ANKFN1: variants seen among roughly 807,000 people sequenced by gnomAD.
The protein encoded by ANKFN1 is ankyrin repeat and fibronectin type III domain containing 1.
In ANKFN1, 74 loss-of-function variants were observed where a neutral mutation model predicts 108.7. That is an observed-to-expected ratio of 0.68 (90% CI 0.56 to 0.83). ANKFN1 has a LOEUF of 0.83. Among genes scored for constraint, ANKFN1 ranks in the 40% least tolerant of loss-of-function variants. The pLI, the probability that ANKFN1 is intolerant of heterozygous loss-of-function variation, is 0.00. For missense variants in ANKFN1, 1,505 were observed against 1,382.3 expected, an observed-to-expected ratio of 1.09 and a Z score of -1.41; for synonymous variants, 547 against 516.2, an observed-to-expected ratio of 1.06 and a Z score of -0.81.
intron 4 of ANKFN1, among the ~76,000 whole-genome samples, chr17:56,046,524 A>T (rs1310095377): frequency 6.6e-6 from 1 of 152,158 alleles, no homozygotes; most frequent in African/African-American, 2.4e-5. Context: ...ATAAAAAAAA[A>T]ATCAGCAGGT....
intron 3 of ANKFN1, among the ~76,000 whole-genome samples, chr17:56,273,725 A>C (rs951804666): frequency 6.6e-5 from 10 of 152,248 alleles, no homozygotes; most frequent in African/African-American, 2.4e-4. Flanking sequence ...AAATTAAAAT[A>C]GCTAATATTA....
At position 56,274,301 on chromosome 17, in the gene ANKFN1, G is replaced by C. The variant is rs147653640; in HGVS notation, c.53+46344G>C. Among the ~76,000 whole-genome samples the C allele has an allele frequency of 2.0e-5, 3 of 152,140 alleles. No homozygotes were observed. In the South Asian group the frequency reaches 6.2e-4, roughly 32 times the overall value. On this transcript the variant is annotated intron_variant, in intron 3 of 20. Transcript: ENST00000682825. ...ATCCTGGCTAACATGGTGAAACCCC[G>C]TCTCTAGTAAAAATACAAAAAATTA...
chr17:56,415,559 A>C (rs2048219437), intron 8 of ANKFN1, among the ~76,000 whole-genome samples: 2 of 152,210 alleles, frequency 1.3e-5, no homozygotes, highest in Admixed American at 1.3e-4. Flanking sequence ...AAGAAATTGC[A>C]GAGGACACAA....
rs1365438869 is a variant in ANKFN1, at chr17:56,164,824, A to G, written c.-71+11294A>G. Reference sequence around the variant, plus strand: ...TTGAAAATACTTGATGGTGATAACTATTGGACAAGCCACACTGGAAAATAA... The same window carrying G: ...TTGAAAATACTTGATGGTGATAACTGTTGGACAAGCCACACTGGAAAATAA... On this transcript the variant is annotated intron_variant, in intron 1 of 20. Transcript: ENST00000682825. 2.0e-5 allele frequency among the ~76,000 whole-genome samples: 3 copies of G among 152,226 alleles called. No individual in the cohort carries two copies. In the East Asian group the frequency reaches 5.8e-4, roughly 29 times the overall value.
At chr17:56,250,782 G>T (rs1049781258) in intron 3 of ANKFN1, among the ~76,000 whole-genome samples, 5 of 152,128 alleles carry the variant, frequency 3.3e-5, no homozygotes, top group Admixed American at 6.6e-5. Flanking sequence ...ATTATCATCT[G>T]AAGCTTTATT....
intron 4 of ANKFN1, among the ~76,000 whole-genome samples, chr17:56,093,605 A>T (rs1031380048): frequency 6.6e-6 from 1 of 151,350 alleles, no homozygotes; most frequent in Non-Finnish European, 1.5e-5. Context: ...AGCCACACCC[A>T]TCCAAGAAGT....
intron 20 of ANKFN1, among the ~76,000 whole-genome samples, chr17:56,505,881 A>C (rs1361044261): frequency 1.3e-5 from 2 of 152,188 alleles, no homozygotes; most frequent in African/African-American, 4.8e-5. Flanking sequence ...TTGGGAGATC[A>C]AAATACAGAC....
chr17:56,326,361 T>A lies in ANKFN1; in HGVS notation c.188+6T>A, dbSNP rs754506404. The A allele has an allele frequency of 1.1e-5, 17 of 1,605,248 alleles. No individual in the cohort carries two copies. In the South Asian group the frequency reaches 1.8e-4, roughly 17 times the overall value. On this transcript the variant is annotated splice_donor_region_variant and intron_variant, in intron 4 of 20. Transcript: ENST00000682825. ...GCCTCGAACAGCATAAACTGGTAAG[T>A]CAAATTTACTGTTGTCTTTCTTCAT... is the stretch of plus-strand genomic sequence containing the variant.
At chr17:56,141,464 G>T (rs548605952) in intron 4 of ANKFN1, among the ~76,000 whole-genome samples, 4 of 152,174 alleles carry the variant, frequency 2.6e-5, no homozygotes, top group Admixed American at 1.3e-4. Context: ...ATAAAGAATG[G>T]TCTAGCAATA....
chr17:56,512,318 T>C lies in ANKFN1; in HGVS notation c.*1049T>C, dbSNP rs115746824. Among the ~76,000 whole-genome samples the C allele has an allele frequency of 7.4e-3, 1,128 of 152,250 alleles. 17 individuals are homozygous for C. The highest frequency in any genetic ancestry group is 0.026 in the African/African-American group (1,087 of 41,556). ...AGGCTTATCCACTCACCCTACATCA[T>C]AGATCAAGGGGCAGATTGTCCAGGG... On this transcript the variant is annotated 3_prime_UTR_variant, in exon 21 of 21. Transcript: ENST00000682825.
intron 4 of ANKFN1, among the ~76,000 whole-genome samples, chr17:56,076,867 T>C (rs1431309542): frequency 1.3e-5 from 2 of 152,186 alleles, no homozygotes; most frequent in Admixed American, 1.3e-4. Flanking sequence ...TTCTCTTCTG[T>C]TTGTCACCAA....
chr17:56,374,141 G>A (rs1598479407), intron 7 of ANKFN1, among the ~76,000 whole-genome samples: 1 of 152,202 alleles, frequency 6.6e-6, no homozygotes, highest in African/African-American at 2.4e-5. Context: ...TCTTGAACAA[G>A]GAATTTGGCC....
chr17:56,219,382 G>T (rs986280744), intron 2 of ANKFN1, among the ~76,000 whole-genome samples: 5 of 152,004 alleles, frequency 3.3e-5, no homozygotes, highest in Non-Finnish European at 7.4e-5. Context: ...AAGTAGCTGG[G>T]ACTACAGGTG....
chr17:56,471,593 G>A lies in ANKFN1; in HGVS notation c.1773+5022G>A, dbSNP rs535991448. The A allele has an allele frequency of 3.9e-5, 6 of 152,290 alleles. No homozygotes were observed. In the East Asian group the frequency reaches 1.2e-3, roughly 29 times the overall value. The allele number at this position is 152,290 out of a possible 1,614,324, so 9.4% of individuals were successfully genotyped here. ...TTCATGTAAAAACTTGTTCACCAAT[G>A]TTCATAGAAGCATTATTCACAATAG... On this transcript the variant is annotated intron_variant, in intron 15 of 20. Coordinates refer to ENST00000682825, the MANE Select transcript of ANKFN1 (RefSeq NM_001370326.1).
At chr17:56,403,204 G>C (rs907754747) in intron 8 of ANKFN1, among the ~76,000 whole-genome samples, 2 of 152,106 alleles carry the variant, frequency 1.3e-5, no homozygotes, top group African/African-American at 4.8e-5. Context: ...GTATATATCT[G>C]TTAAGTCTAT....
chr17:56,100,757 T>C (rs1905630788), intron 4 of ANKFN1, among the ~76,000 whole-genome samples: 1 of 152,176 alleles, frequency 6.6e-6, no homozygotes, highest in East Asian at 1.9e-4. Context: ...CAGGGGCATC[T>C]TAAAGAAAAA....
intron 4 of ANKFN1, among the ~76,000 whole-genome samples, chr17:56,072,352 G>A (rs893193558): frequency 6.6e-6 from 1 of 151,888 alleles, no homozygotes; most frequent in Non-Finnish European, 1.5e-5. Context: ...ACATAGTATA[G>A]CGCAATGGAT....
intron 3 of ANKFN1, among the ~76,000 whole-genome samples, chr17:56,314,586 A>G (rs2045143609): frequency 6.6e-6 from 1 of 152,172 alleles, no homozygotes; most frequent in Non-Finnish European, 1.5e-5. Flanking sequence ...TTGCAGGGTG[A>G]CTACTATTAA....
intron 3 of ANKFN1, among the ~76,000 whole-genome samples, chr17:56,298,294 T>C (rs1188844689): frequency 6.6e-6 from 1 of 152,224 alleles, no homozygotes; most frequent in Non-Finnish European, 1.5e-5. Flanking sequence ...TTTTCCTGTT[T>C]ATCTTTTGTG....
Sources: allele counts gnomAD v4.1 joint callset (sites outside exome capture counted in the v4.1 genomes callset), GRCh38; gene constraint gnomAD v4.1.1; transcripts MANE v1.5; gene names NCBI Gene and HGNC (gene_info 2026-07-23, HGNC 2026-07-21).